The following NIBAN1 variants were observed in gnomAD, a reference collection of about 807,000 sequenced individuals.
NIBAN1 encodes protein Niban 1.
NIBAN1 carries 81 observed loss-of-function variants against 75.1 expected under a neutral mutation model. The ratio of observed to expected loss-of-function variants is 1.08; its 90% CI spans 0.90 to 1.30. The LOEUF is 1.30. Ranked by LOEUF, NIBAN1 falls within the 50% of genes most tolerant of loss-of-function variation. The pLI, the probability that NIBAN1 is intolerant of heterozygous loss-of-function variation, is 0.00. For missense variants in NIBAN1, 1,133 were observed against 1,128.1 expected (o/e 1.00, Z -0.06); for synonymous variants, 436 against 424.8 (o/e 1.03, Z -0.32).
chr1:184,894,007 A>G, intron 3 of NIBAN1, 68 bp downstream of exon 3: 4 of 1,487,638 alleles, frequency 2.7e-6, no homozygotes, highest in Non-Finnish European at 3.6e-6. Flanking sequence ...AGGAGAGGGC[A>G]CACCAATCAA....
intron 1 of NIBAN1, among the ~76,000 whole-genome samples, chr1:184,928,460 G>A (rs918424272): frequency 1.3e-5 from 2 of 152,180 alleles, no homozygotes; most frequent in African/African-American, 4.8e-5. Context: ...TGCCTTTCAA[G>A]TGTATTTAGG....
In NIBAN1 at chr1:184,823,672, C is replaced by G; in HGVS notation, c.788G>C (p.Gly263Ala). The stretch of plus-strand genomic sequence containing the variant: ...CGTCCTCTTTCTGTCATTCTTCTTC[C>G]CCTTCATCTTAGGCAGCAGGTCTGT... ...LQTDLLPKMK[G>A]KKNDRKRTWL... The change falls in exon 7 of 14, where the codon GGG becomes GCG. Residue 263 changes from glycine to alanine, a missense_variant. Coordinates refer to ENST00000367511, the MANE Select transcript of NIBAN1 (RefSeq NM_052966.4). 1 of 1,614,154 alleles carries G rather than the reference C, an allele frequency of 6.2e-7. No homozygotes were observed. The highest frequency in any genetic ancestry group is 8.5e-7 in the Non-Finnish European group (1 of 1,180,018).
intron 7 of NIBAN1, 101 bp from the exon 8 acceptor site, chr1:184,823,430 C>T: frequency 7.0e-7 from 1 of 1,421,664 alleles, no homozygotes; most frequent in South Asian, 1.3e-5. Context: ...TCATAACAAA[C>T]AGAACTGCAC....
intron 5 of NIBAN1, among the ~76,000 whole-genome samples, chr1:184,861,210 C>T (rs1437570520): frequency 6.6e-6 from 1 of 152,210 alleles, no homozygotes; most frequent in Admixed American, 6.5e-5. Context: ...CCAGACTTGC[C>T]AGCTCTTGCT....
intron 5 of NIBAN1, among the ~76,000 whole-genome samples, chr1:184,837,233 CA>C (rs1177043930): frequency 6.6e-6 from 1 of 152,172 alleles, no homozygotes; most frequent in East Asian, 1.9e-4. Context: ...CTGTGGCCCT[CA>C]GAATCAAAAT....
At chr1:184,833,752 A>AT (rs1252870531) in intron 5 of NIBAN1, among the ~76,000 whole-genome samples, 2 of 152,168 alleles carry the variant, frequency 1.3e-5, no homozygotes, top group African/African-American at 2.4e-5. Context: ...AATATGGAAC[A>AT]GTAACTGACA....
chr1:184,811,974 C>T (rs1291839958), intron 9 of NIBAN1, among the ~76,000 whole-genome samples: 5 of 152,096 alleles, frequency 3.3e-5, no homozygotes, highest in African/African-American at 1.2e-4. Flanking sequence ...GGAGCTTTTT[C>T]CTCCCTCCCG....
rs61823917 is a variant in NIBAN1 at position 184,828,530 on chromosome 1, C to G, written c.717+3317G>C. On this transcript the variant is annotated intron_variant, in intron 6 of 13. Coordinates refer to ENST00000367511, the MANE Select transcript of NIBAN1 (RefSeq NM_052966.4). ...GAGTCTTAGGGTAGACACTGCTTTACTGTTATGCACCATGTCTTAGAGTCT... is the reference window on the plus strand; with the variant it reads ...GAGTCTTAGGGTAGACACTGCTTTAGTGTTATGCACCATGTCTTAGAGTCT... Among the ~76,000 whole-genome samples the G allele has an allele frequency of 7.8e-3, 1,183 of 152,290 alleles. 11 individuals are homozygous for G. Among genetic ancestry groups the G allele is most frequent in the Admixed American group, 0.013 (192 of 15,298 alleles).
chr1:184,945,937 G>A (rs1239869322), intron 1 of NIBAN1, among the ~76,000 whole-genome samples: 2 of 151,810 alleles, frequency 1.3e-5, no homozygotes, highest in African/African-American at 2.4e-5. Context: ...ATTCCACCAA[G>A]GAAGGAAGGA....
chr1:184,835,770 A>G (rs565568615), intron 5 of NIBAN1, among the ~76,000 whole-genome samples: 12 of 152,356 alleles, frequency 7.9e-5, no homozygotes, highest in Non-Finnish European at 1.3e-4. Flanking sequence ...TTCTAAATAT[A>G]CAATCATGTC....
chr1:184,941,564 C>T (rs939132712), intron 1 of NIBAN1, among the ~76,000 whole-genome samples: 2 of 151,050 alleles, frequency 1.3e-5, no homozygotes, highest in African/African-American at 4.9e-5. Context: ...GTGGGAAGGT[C>T]ACTTGAGCCT....
At chr1:184,852,836 A>T (rs966424945) in intron 5 of NIBAN1, among the ~76,000 whole-genome samples, 6 of 152,216 alleles carry the variant, frequency 3.9e-5, no homozygotes, top group African/African-American at 1.4e-4. Context: ...GCAGAAAGGC[A>T]TCAATGTGGC....
At chr1:184,873,605 G>A (rs1046798470) in intron 5 of NIBAN1, among the ~76,000 whole-genome samples, 3 of 152,092 alleles carry the variant, frequency 2.0e-5, no homozygotes, top group Non-Finnish European at 2.9e-5. Flanking sequence ...ATTGCCCAGA[G>A]TTCCCATTTT....
chr1:184,895,402 T>TGC (rs1392161096), intron 2 of NIBAN1, among the ~76,000 whole-genome samples: 1 of 152,150 alleles, frequency 6.6e-6, no homozygotes, highest in African/African-American at 2.4e-5. Flanking sequence ...GGCCATAATG[T>TGC]GCATTTTAAC....
intron 1 of NIBAN1, among the ~76,000 whole-genome samples, chr1:184,935,267 G>T (rs922357786): frequency 1.3e-5 from 2 of 152,156 alleles, no homozygotes; most frequent in Non-Finnish European, 2.9e-5. Context: ...CACTTTGGGA[G>T]GCTGAGGTGG....
intron 1 of NIBAN1, among the ~76,000 whole-genome samples, chr1:184,953,237 A>G (rs1297411850): frequency 1.3e-5 from 2 of 152,180 alleles, no homozygotes; most frequent in Non-Finnish European, 2.9e-5. Flanking sequence ...AGGAGGCTAG[A>G]TAACTTGCAG....
chr1:184,969,437 A>G (rs977213252), intron 1 of NIBAN1, among the ~76,000 whole-genome samples: 2 of 152,196 alleles, frequency 1.3e-5, no homozygotes, highest in African/African-American at 4.8e-5. Flanking sequence ...CAGATGCAAC[A>G]AAGTCAAAAG....
intron 1 of NIBAN1, among the ~76,000 whole-genome samples, chr1:184,899,564 G>A (rs936289339): frequency 1.3e-5 from 2 of 151,964 alleles, no homozygotes; most frequent in Non-Finnish European, 2.9e-5. Flanking sequence ...AGACCCTAAG[G>A]ACTAAATTGA....
chr1:184,806,825 G>A (rs1051015963), intron 10 of NIBAN1, among the ~76,000 whole-genome samples: 1 of 144,112 alleles, frequency 6.9e-6, no homozygotes, highest in African/African-American at 2.6e-5. Flanking sequence ...GAGTAGTGCA[G>A]TGGCACACTC....
Sources: allele counts gnomAD v4.1 joint callset (sites outside exome capture counted in the v4.1 genomes callset), GRCh38; gene constraint gnomAD v4.1.1; transcripts MANE v1.5; gene names NCBI Gene and HGNC (gene_info 2026-07-23, HGNC 2026-07-21).